ZNG1A: variants seen among roughly 807,000 people sequenced by gnomAD.
ZNG1A encodes Zn regulated GTPase metalloprotein activator 1A.
At chr9:121,095 T>TA in the ZNG1A span, 10 of 179,060 alleles carry the variant, frequency 5.6e-5, no homozygotes, top group African/African-American at 1.2e-4. Flanking sequence ...TTACTTGTGT[T>TA]AAAAAAATTT....
chr9:125,685 AGATTT>A, the ZNG1A span, among the ~76,000 whole-genome samples: 1 of 84,312 alleles, frequency 1.2e-5, no homozygotes, highest in Non-Finnish European at 2.3e-5. Context: ...TTCAGGTCTT[AGATTT>A]AAGTCTTTAA....
At chr9:158,803 T>C in the ZNG1A span, among the ~76,000 whole-genome samples, 1 of 151,910 alleles carries the variant, frequency 6.6e-6, no homozygotes, top group Non-Finnish European at 1.5e-5. Flanking sequence ...AAGAGATAAA[T>C]GTCCTCTTCT....
the ZNG1A span, among the ~76,000 whole-genome samples, chr9:145,625 C>T: frequency 6.6e-6 from 1 of 150,408 alleles, no homozygotes. Context: ...GTGCAGCGCA[C>T]CAGCATGGCA....
the ZNG1A span, among the ~76,000 whole-genome samples, chr9:139,344 G>A: frequency 6.7e-6 from 1 of 149,554 alleles, no homozygotes; most frequent in Non-Finnish European, 1.5e-5. Context: ...GTAGAATGGT[G>A]GATGCCAGGG....
the ZNG1A span, among the ~76,000 whole-genome samples, chr9:155,004 T>G: frequency 6.6e-6 from 1 of 152,158 alleles, no homozygotes; most frequent in Admixed American, 6.5e-5. Context: ...TGAATTGTGT[T>G]CATTACTATG....
At chr9:174,723 A>T in the ZNG1A span, among the ~76,000 whole-genome samples, 3 of 151,442 alleles carry the variant, frequency 2.0e-5, no homozygotes, top group Non-Finnish European at 4.4e-5. Flanking sequence ...GAAAAAAAAT[A>T]GTACATTTTA....
chr9:157,568 C>T, the ZNG1A span, among the ~76,000 whole-genome samples: 1 of 144,756 alleles, frequency 6.9e-6, no homozygotes, highest in Non-Finnish European at 1.5e-5. Flanking sequence ...TGGGAGATGG[C>T]TATTTTCATT....
At chr9:155,835 G>A in the ZNG1A span, among the ~76,000 whole-genome samples, 2 of 150,502 alleles carry the variant, frequency 1.3e-5, no homozygotes, top group African/African-American at 4.9e-5. Context: ...CAGGCACAGT[G>A]GATTCATGCC....
chr9:155,893 C>G, the ZNG1A span, among the ~76,000 whole-genome samples: 67 of 143,356 alleles, frequency 4.7e-4, 4 homozygotes, highest in Admixed American at 2.8e-3. Context: ...TCGAGCTGGT[C>G]TCAGGAGCTC....
At chr9:124,006 G>A in the ZNG1A span, among the ~76,000 whole-genome samples, 1 of 152,146 alleles carries the variant, frequency 6.6e-6, no homozygotes, top group Non-Finnish European at 1.5e-5. Flanking sequence ...GAAAGGCTTG[G>A]CTTATCTTTA....
the ZNG1A span, among the ~76,000 whole-genome samples, chr9:140,053 G>C: frequency 6.6e-6 from 1 of 150,726 alleles, no homozygotes; most frequent in East Asian, 1.9e-4. Context: ...AGCAGTCTGA[G>C]ATCAAACTGC....
At chr9:149,394 C>G in the ZNG1A span, 26 of 151,884 alleles carry the variant, frequency 1.7e-4, no homozygotes, top group African/African-American at 6.3e-4. Flanking sequence ...CCCTGGAATA[C>G]AAAATCTTCC....
At chr9:144,711 T>C in the ZNG1A span, among the ~76,000 whole-genome samples, 49 of 151,814 alleles carry the variant, frequency 3.2e-4, no homozygotes, top group Middle Eastern at 0.01. Context: ...CTAATTAAAC[T>C]AAACAGCTTC....
chr9:126,980 C>T, the ZNG1A span, among the ~76,000 whole-genome samples: 1 of 152,050 alleles, frequency 6.6e-6, no homozygotes, highest in East Asian at 1.9e-4. Context: ...CATGTATCGG[C>T]ATGGTTTTGA....
chr9:156,059 G>T, the ZNG1A span, among the ~76,000 whole-genome samples: 2 of 150,662 alleles, frequency 1.3e-5, no homozygotes, highest in Admixed American at 1.3e-4. Context: ...AGAATCGCTT[G>T]AACCTGGGAG....
At chr9:147,176 A>AGAAT in the ZNG1A span, 1 of 66,668 alleles carries the variant, frequency 1.5e-5, no homozygotes, top group African/African-American at 6.2e-5. Context: ...ACTCCGCCTC[A>AGAAT]AAAGAAAAAA....
chr9:129,580 G>T, the ZNG1A span, among the ~76,000 whole-genome samples: 3 of 149,806 alleles, frequency 2.0e-5, no homozygotes, highest in Non-Finnish European at 4.4e-5. Flanking sequence ...GACAAATATT[G>T]CATGAATCCA....
At chr9:125,205 A>T in the ZNG1A span, among the ~76,000 whole-genome samples, 1 of 151,406 alleles carries the variant, frequency 6.6e-6, no homozygotes, top group Non-Finnish European at 1.5e-5. Context: ...CACCACATCC[A>T]TGCCAACATC....
At chr9:140,850 G>A in the ZNG1A span, among the ~76,000 whole-genome samples, 1 of 147,738 alleles carries the variant, frequency 6.8e-6, no homozygotes, top group Admixed American at 6.7e-5. Context: ...GCTTAAAGGA[G>A]CTGATGGAGC....
Sources: allele counts gnomAD v4.1 joint callset (sites outside exome capture counted in the v4.1 genomes callset), GRCh38; gene constraint gnomAD v4.1.1; transcripts MANE v1.5; gene names NCBI Gene and HGNC (gene_info 2026-07-23, HGNC 2026-07-21).